Variants in SHC3 observed in about 807,000 individuals in gnomAD.
SHC3 encodes SHC-transforming protein 3.
Under a neutral mutation model 60.4 loss-of-function variants are expected in SHC3, and 15 were observed. The observed-to-expected ratio is 0.25, with a 90% CI of 0.17 to 0.38. The LOEUF is 0.38. Ranked by LOEUF, SHC3 falls within the 10% of genes least tolerant of loss-of-function variation. SHC3 has a pLI of 1.00. For missense variants in SHC3, 677 were observed against 786.1 expected (o/e 0.86, Z 1.66); for synonymous variants, 294 against 325.9 (o/e 0.90, Z 1.05).
At chr9:89,083,883 G>A (rs755379439) in intron 2 of SHC3, among the ~76,000 whole-genome samples, 30 of 152,268 alleles carry the variant, frequency 2.0e-4, no homozygotes, top group South Asian at 1.2e-3. Flanking sequence ...CCGAGGGCAC[G>A]TAGGAGCCCA....
intron 1 of SHC3, among the ~76,000 whole-genome samples, chr9:89,126,456 A>C (rs1826166831): frequency 6.6e-6 from 1 of 152,208 alleles, no homozygotes; most frequent in Non-Finnish European, 1.5e-5. Flanking sequence ...CTGATGGCTT[A>C]GGTGATGGGA....
intron 2 of SHC3, among the ~76,000 whole-genome samples, chr9:89,083,829 G>C (rs374197069): frequency 1.3e-5 from 2 of 152,150 alleles, no homozygotes; most frequent in South Asian, 2.1e-4. Flanking sequence ...ATGTCTGAGA[G>C]CTGGATTTGC....
At chr9:89,138,340 A>G (rs1826348185) in intron 1 of SHC3, among the ~76,000 whole-genome samples, 1 of 152,178 alleles carries the variant, frequency 6.6e-6, no homozygotes, top group Admixed American at 6.6e-5. Flanking sequence ...CCATTTTTAT[A>G]GCTATTTCTC....
intron 2 of SHC3, among the ~76,000 whole-genome samples, chr9:89,093,405 A>C (rs1239763470): frequency 1.3e-5 from 2 of 152,206 alleles, no homozygotes; most frequent in Non-Finnish European, 2.9e-5. Flanking sequence ...GAGTGGTAGA[A>C]ATGTTCTTGA....
chr9:89,042,491 G>C (rs1351217965), intron 9 of SHC3, among the ~76,000 whole-genome samples: 1 of 152,222 alleles, frequency 6.6e-6, no homozygotes, highest in African/African-American at 2.4e-5. Flanking sequence ...GAGCCTGGCA[G>C]GCAGAACATG....
In SHC3 at chr9:89,052,063, A is replaced by G. The variant is rs148621020; in HGVS notation, c.936T>C (p.Pro312=). The change falls in exon 7 of 12, where the codon CCT becomes CCC. Residue 312 remains proline (P), a synonymous_variant. Coordinates refer to ENST00000375835, the MANE Select transcript of SHC3 (RefSeq NM_016848.6). The part of the protein sequence containing the change: ...ELRFKQYLQC[P]TKIPALHDRM... Reference sequence around the variant, plus strand: ...GATCATGGAGAGCGGGAATCTTGGTAGGACACTGTAAATATTGCTTAAACC... The same window carrying G: ...GATCATGGAGAGCGGGAATCTTGGTGGGACACTGTAAATATTGCTTAAACC... 2.0e-5 allele frequency: 33 copies of G among 1,613,954 alleles called. No homozygotes were observed. The highest frequency in any genetic ancestry group is 2.8e-5 in the Non-Finnish European group (33 of 1,179,930).
intron 7 of SHC3, among the ~76,000 whole-genome samples, chr9:89,048,650 A>G (rs1476514806): frequency 6.6e-6 from 1 of 152,238 alleles, no homozygotes; most frequent in East Asian, 1.9e-4. Context: ...GAGCAATTTG[A>G]TTATATATGA....
chr9:89,160,667 G>T (rs2118239600), intron 1 of SHC3, among the ~76,000 whole-genome samples: 1 of 152,228 alleles, frequency 6.6e-6, no homozygotes, highest in African/African-American at 2.4e-5. Context: ...GTAAAATTTG[G>T]CTATACAATA....
intron 1 of SHC3, among the ~76,000 whole-genome samples, chr9:89,172,860 T>C (rs191593278): frequency 6.6e-6 from 1 of 152,320 alleles, no homozygotes; most frequent in Non-Finnish European, 1.5e-5. Flanking sequence ...GGCTCTTCCT[T>C]GTTGCTTTCC....
At chr9:89,172,740 G>T (rs750453428) in intron 1 of SHC3, among the ~76,000 whole-genome samples, 2 of 152,098 alleles carry the variant, frequency 1.3e-5, no homozygotes, top group Non-Finnish European at 2.9e-5. Flanking sequence ...CCTTTACCCA[G>T]GAAACACACA....
At chr9:89,026,948 G>A (rs778387292) in intron 11 of SHC3, among the ~76,000 whole-genome samples, 13 of 152,240 alleles carry the variant, frequency 8.5e-5, no homozygotes, top group East Asian at 3.9e-4. Flanking sequence ...TTCTAGTTCC[G>A]AGCTACTGAG....
chr9:89,028,599 G>A (rs1011033089), intron 11 of SHC3, among the ~76,000 whole-genome samples: 3 of 138,360 alleles, frequency 2.2e-5, no homozygotes, highest in Non-Finnish European at 3.0e-5. Flanking sequence ...ATGTTTATGT[G>A]TATATATATG....
rs1554690049 is a variant in SHC3, at chr9:89,035,889, G to GTGTA, written c.1656+2103_1656+2104insTACA. 5.2e-4 allele frequency among the ~76,000 whole-genome samples: 74 copies of GTGTA among 142,586 alleles called. 4 individuals are homozygous for GTGTA. Among genetic ancestry groups the GTGTA allele is most frequent in the African/African-American group, 1.5e-3 (60 of 39,210 alleles). The allele number at this position is 142,586 out of a possible 152,430, so 93.5% of individuals were successfully genotyped here. A position where few individuals can be genotyped will look rare whatever the true frequency, so the allele number is the denominator to read the frequency against. ...TGTGTGTGTGTGTGTGTGTGTGTGT[G>GTGTA]TATTGGGTCTCTATCTCATTTCATA... On this transcript the variant is annotated intron_variant, in intron 11 of 11. Coordinates refer to ENST00000375835, the MANE Select transcript of SHC3 (RefSeq NM_016848.6).
At chr9:89,147,686 CT>C (rs1242804300) in intron 1 of SHC3, among the ~76,000 whole-genome samples, 1 of 152,068 alleles carries the variant, frequency 6.6e-6, no homozygotes, top group Non-Finnish European at 1.5e-5. Flanking sequence ...CCTTTTTCCC[CT>C]TTTATTACAC....
rs549904987 is a variant in SHC3, at chr9:89,169,695, C to G, written c.474+8292G>C. On this transcript the variant is annotated intron_variant, in intron 1 of 11. Transcript: ENST00000375835. ...GTCTGGAAACCACTCCTAAATAGTG[C>G]AAGGCGGGGGTGGGGTGCAGATGGC... 6.6e-5 allele frequency among the ~76,000 whole-genome samples: 10 copies of G among 151,694 alleles called. No homozygotes were observed. In the East Asian group the frequency reaches 1.8e-3, roughly 27 times the overall value.
At chr9:89,042,928 CTGTCACCCAGACCCTGGGTGAAAG>C (rs1005268365) in intron 9 of SHC3, among the ~76,000 whole-genome samples, 1 of 152,116 alleles carries the variant, frequency 6.6e-6, no homozygotes, top group African/African-American at 2.4e-5. Context: ...CCGGGCTGTT[CTGTCACCCAGACCCTGGGTGAAAG>C]TGACACCCAG....
intron 3 of SHC3, among the ~76,000 whole-genome samples, chr9:89,075,969 G>T (rs977179199): frequency 6.6e-6 from 1 of 152,048 alleles, no homozygotes; most frequent in African/African-American, 2.4e-5. Flanking sequence ...CTTCTTTTTG[G>T]ATTAGAACAC....
chr9:89,111,110 G>T (rs1240510449), intron 2 of SHC3, among the ~76,000 whole-genome samples: 1 of 152,144 alleles, frequency 6.6e-6, no homozygotes, highest in Non-Finnish European at 1.5e-5. Flanking sequence ...GAGTCACGTT[G>T]TCCAGTGTGT....
At chr9:89,089,819 C>A (rs1035626037) in intron 2 of SHC3, among the ~76,000 whole-genome samples, 1 of 152,182 alleles carries the variant, frequency 6.6e-6, no homozygotes, top group Non-Finnish European at 1.5e-5. Flanking sequence ...GTCCACACAG[C>A]GACCCAGGAG....
Sources: allele counts gnomAD v4.1 joint callset (sites outside exome capture counted in the v4.1 genomes callset), GRCh38; gene constraint gnomAD v4.1.1; transcripts MANE v1.5; gene names NCBI Gene and HGNC (gene_info 2026-07-23, HGNC 2026-07-21).